Variants in COL13A1 observed in about 807,000 individuals in gnomAD.
COL13A1 encodes collagen alpha-1(XIII) chain.
In COL13A1, 89 loss-of-function variants were observed where a neutral mutation model predicts 130.9. The observed-to-expected ratio is 0.68, with a 90% CI of 0.57 to 0.81. The LOEUF (loss-of-function observed/expected upper bound fraction) is 0.81. COL13A1 is among the 30% of genes least tolerant of loss of function. The pLI is 0.00. For missense variants in COL13A1, 879 were observed against 934.6 expected (o/e 0.94, Z 0.78); for synonymous variants, 402 against 341.6 (o/e 1.18, Z -1.95).
intron 2 of COL13A1, among the ~76,000 whole-genome samples, chr10:69,858,385 G>T (rs1857049667): frequency 6.6e-6 from 1 of 152,188 alleles, no homozygotes; most frequent in Non-Finnish European, 1.5e-5. Flanking sequence ...TTTTATAGAG[G>T]ATACTGGGCT....
chr10:69,956,978 C>A (rs761139032), intron 39 of COL13A1, 26 bp from the exon 40 acceptor site: 1 of 1,607,140 alleles, frequency 6.2e-7, no homozygotes, highest in Non-Finnish European at 8.5e-7. Context: ...GAAGTCTGAG[C>A]CCTCTGCCTT....
chr10:69,878,123 T>C, intron 6 of COL13A1, 58 bp downstream of exon 6: 3 of 701,130 alleles, frequency 4.3e-6, no homozygotes, highest in Non-Finnish European at 7.8e-6. Flanking sequence ...AGGTGGACTC[T>C]TGATGGGAGG....
At chr10:69,941,061 A>T in intron 35 of COL13A1, 38 bp downstream of exon 35, 2 of 1,610,744 alleles carry the variant, frequency 1.2e-6, no homozygotes, top group Non-Finnish European at 1.7e-6. Flanking sequence ...ACCCCACTCC[A>T]CTCCACACCT....
chr10:69,820,107 T>TA (rs5785950), intron 1 of COL13A1, among the ~76,000 whole-genome samples: 2 of 152,102 alleles, frequency 1.3e-5, no homozygotes, highest in African/African-American at 2.4e-5. Flanking sequence ...CCTCCTGGTA[T>TA]AAAAAAACCA....
At chr10:69,955,281 G>A (rs1171096360) in intron 39 of COL13A1, 1 of 152,296 alleles carries the variant, frequency 6.6e-6, no homozygotes, top group Non-Finnish European at 1.5e-5. Context: ...CATGCTTCCT[G>A]TCCCTGCTGG....
chr10:69,912,232 C>T (rs2063455527), intron 17 of COL13A1, among the ~76,000 whole-genome samples: 1 of 152,260 alleles, frequency 6.6e-6, no homozygotes, highest in East Asian at 1.9e-4. Context: ...CAAAATCAAC[C>T]GATCTCAAAT....
intron 14 of COL13A1, among the ~76,000 whole-genome samples, chr10:69,900,316 A>T (rs1455865202): frequency 6.6e-6 from 1 of 152,188 alleles, no homozygotes; most frequent in Non-Finnish European, 1.5e-5. Flanking sequence ...TATGCAAATT[A>T]TCTCATGCAT....
At chr10:69,892,270 C>A (rs1469277013) in intron 10 of COL13A1, among the ~76,000 whole-genome samples, 1 of 152,192 alleles carries the variant, frequency 6.6e-6, no homozygotes, top group Non-Finnish European at 1.5e-5. Context: ...CTGTCTCCTG[C>A]CCCAGATGCT....
chr10:69,813,105 A>G (rs1843472629), intron 1 of COL13A1, among the ~76,000 whole-genome samples: 1 of 152,202 alleles, frequency 6.6e-6, no homozygotes, highest in Non-Finnish European at 1.5e-5. Flanking sequence ...TAACCCCTAG[A>G]ACATTGTAGA....
At chr10:69,946,709 C>T (rs906964382) in intron 37 of COL13A1, among the ~76,000 whole-genome samples, 9 of 152,340 alleles carry the variant, frequency 5.9e-5, no homozygotes, top group East Asian at 5.8e-4. Context: ...CCCTCACCTG[C>T]GGTAGTGACC....
At chr10:69,840,151 A>C (rs1851213198) in intron 2 of COL13A1, among the ~76,000 whole-genome samples, 1 of 152,178 alleles carries the variant, frequency 6.6e-6, no homozygotes, top group East Asian at 1.9e-4. Context: ...GAGAGAAACC[A>C]GGCAGAGCTG....
chr10:69,902,546 G>A (rs72805175), intron 14 of COL13A1, among the ~76,000 whole-genome samples: 4,770 of 152,248 alleles, frequency 0.031, 112 homozygotes, highest in Non-Finnish European at 0.044. Flanking sequence ...ACATCTTGGC[G>A]TTCTTCTCAC....
At position 69,896,708 on chromosome 10, in the gene COL13A1, C is replaced by T. The variant is rs1589370227; in HGVS notation, c.684+1132C>T. On this transcript the variant is annotated intron_variant, in intron 13 of 40. Transcript: ENST00000645393. ...TCTGGGTTCCTGGGCCAGGGAACCA[C>T]TGTGAGCCTGGTACGTGAGAGGCTG... Among the ~76,000 whole-genome samples, 4 of 152,326 alleles carry T rather than the reference C, an allele frequency of 2.6e-5. 2 individuals are homozygous for T. Among genetic ancestry groups the T allele is most frequent in the Admixed American group, 2.6e-4 (4 of 15,300 alleles).
chr10:69,918,363 G>T, intron 19 of COL13A1, 46 bp downstream of exon 19: 1 of 1,599,012 alleles, frequency 6.3e-7, no homozygotes. Flanking sequence ...GGGTGGGAGA[G>T]AAGAGAGCGG....
At chr10:69,878,237 C>T (rs1456123919) in intron 6 of COL13A1, among the ~76,000 whole-genome samples, 172 bp downstream of exon 6, 3 of 152,340 alleles carry the variant, frequency 2.0e-5, no homozygotes, top group East Asian at 1.9e-4. Flanking sequence ...TCCATAACAT[C>T]GGGCAGCAGT....
chr10:69,935,332 C>T lies in COL13A1; in HGVS notation c.1729-18C>T, dbSNP rs1455916207. 2 of 1,573,734 alleles carry T rather than the reference C, an allele frequency of 1.3e-6. No homozygotes were observed. The highest frequency in any genetic ancestry group is 1.8e-5 in the Admixed American group (1 of 55,014). On this transcript the variant is annotated intron_variant, in intron 31 of 40. Transcript: ENST00000645393. ...GAGGGCCACTTCAAATGTAACAGGG[C>T]TCCCCTTTGGCTTTTAGGTTCCTGG... is the stretch of plus-strand genomic sequence containing the variant.
chr10:69,834,652 G>A (rs1288406694), intron 2 of COL13A1, among the ~76,000 whole-genome samples: 3 of 152,228 alleles, frequency 2.0e-5, no homozygotes, highest in Non-Finnish European at 2.9e-5. Flanking sequence ...TGAGGTCCAC[G>A]GATAAGGGAC....
In COL13A1 at chr10:69,844,387, C is replaced by T. The variant is rs543667859; in HGVS notation, c.364+21949C>T. On this transcript the variant is annotated intron_variant, in intron 2 of 40. Coordinates refer to ENST00000645393, the MANE Select transcript of COL13A1 (RefSeq NM_001368882.1). Reference sequence around the variant, plus strand: ...CTGACCTGCCTATGCCTCCTGCCTGCTCACACTTCACCAGCTTCTCACCCC... The same window carrying T: ...CTGACCTGCCTATGCCTCCTGCCTGTTCACACTTCACCAGCTTCTCACCCC... Among the ~76,000 whole-genome samples, 142 of 152,300 alleles carry T rather than the reference C, an allele frequency of 9.3e-4. 1 individual carries two copies. Among genetic ancestry groups the T allele is most frequent in the African/African-American group, 3.2e-3 (135 of 41,574 alleles).
At chr10:69,935,947 G>A (rs1185728908) in intron 32 of COL13A1, among the ~76,000 whole-genome samples, 1 of 151,336 alleles carries the variant, frequency 6.6e-6, no homozygotes, top group Non-Finnish European at 1.5e-5. Flanking sequence ...AGAGATCGAG[G>A]CTGCAGTGAG....
Sources: allele counts gnomAD v4.1 joint callset (sites outside exome capture counted in the v4.1 genomes callset), GRCh38; gene constraint gnomAD v4.1.1; transcripts MANE v1.5; gene names NCBI Gene and HGNC (gene_info 2026-07-23, HGNC 2026-07-21).